ABCA8: variants seen among roughly 807,000 people sequenced by gnomAD.
ABCA8 encodes ATP binding cassette subfamily A member 8, also known as ABC-type organic anion transporter ABCA8.
Under a neutral mutation model 192.3 loss-of-function variants are expected in ABCA8, and 177 were observed. That is an observed-to-expected ratio of 0.92 (90% CI 0.81 to 1.04). The LOEUF (loss-of-function observed/expected upper bound fraction) is 1.04, where lower values mean the gene tolerates loss of function less well. Ranked by LOEUF, ABCA8 falls within the 50% of genes least tolerant of loss-of-function variation. The pLI is 0.00. For synonymous variants in ABCA8, 642 were observed against 690.2 expected (o/e 0.93, Z 1.09); for missense variants, 1,915 against 1,904.8 (o/e 1.01, Z -0.10).
chr17:68,943,560 G>A (rs1402978578), intron 2 of ABCA8, among the ~76,000 whole-genome samples: 8 of 152,148 alleles, frequency 5.3e-5, no homozygotes, highest in Non-Finnish European at 1.5e-5. Flanking sequence ...AACAAAGTCA[G>A]ATAATCTATA....
At chr17:68,898,996 T>C (rs985199285) in intron 21 of ABCA8, among the ~76,000 whole-genome samples, 10 of 152,130 alleles carry the variant, frequency 6.6e-5, no homozygotes, top group African/African-American at 2.4e-4. Context: ...TAGACTTTGT[T>C]ACATTAATCT....
At position 68,907,890 on chromosome 17, in the gene ABCA8, GA is replaced by G. The variant is rs4148022; in HGVS notation, c.2139-12del. ...TCATTTAACTGCAAGCTGGCATTCAGAAAAAAAAAAAAAGACATATGTTACT... is the reference window on the plus strand; with the variant it reads ...TCATTTAACTGCAAGCTGGCATTCAGAAAAAAAAAAAAGACATATGTTACT... On this transcript the variant is annotated splice_polypyrimidine_tract_variant and intron_variant, in intron 17 of 39. Transcript: ENST00000586539. 255,622 of 1,208,632 alleles carry G rather than the reference GA, an allele frequency of 0.21. 8,472 individuals carry two copies. Among genetic ancestry groups the G allele is most frequent in the African/African-American group, 0.49 (31,684 of 64,510 alleles). The allele number at this position is 1,208,632 out of a possible 1,614,324, so 74.9% of individuals were successfully genotyped here.
At chr17:68,885,554 C>T (rs1041539721) in intron 26 of ABCA8, among the ~76,000 whole-genome samples, 1 of 146,444 alleles carries the variant, frequency 6.8e-6, no homozygotes, top group Non-Finnish European at 1.5e-5. Flanking sequence ...TTTTTTCTCT[C>T]TTTTTTTTTT....
At chr17:68,941,443 A>AT (rs1444966760) in intron 3 of ABCA8, among the ~76,000 whole-genome samples, 1 of 152,158 alleles carries the variant, frequency 6.6e-6, no homozygotes, top group Non-Finnish European at 1.5e-5. Context: ...TTTAATCAAG[A>AT]TTTTTTATAT....
chr17:68,924,647 C>T, intron 11 of ABCA8, 54 bp downstream of exon 11: 1 of 1,568,810 alleles, frequency 6.4e-7, no homozygotes, highest in Non-Finnish European at 8.6e-7. Context: ...GCCTCAGGTG[C>T]TATCTCTTAG....
chr17:68,915,449 T>G (rs1449437773), intron 17 of ABCA8, among the ~76,000 whole-genome samples: 1 of 152,054 alleles, frequency 6.6e-6, no homozygotes, highest in African/African-American at 2.4e-5. Flanking sequence ...AATAATCCAA[T>G]TCAAAATGGG....
At chr17:68,939,617 C>T (rs1042536139) in intron 4 of ABCA8, among the ~76,000 whole-genome samples, 1 of 151,974 alleles carries the variant, frequency 6.6e-6, no homozygotes, top group African/African-American at 2.4e-5. Flanking sequence ...TCTGGGAGAA[C>T]CAACCTGTGA....
Position 68,877,536 on chromosome 17 carries a change from A to ATT in ABCA8, c.4181_4182insAA (p.Glu1395MetfsTer8). ...CTGTGTACCGTGTGATGGCAACCTC[A>ATT]GCATCCCCTTTCCTCAGCCCTTTCA... On this transcript the variant is annotated frameshift_variant, in exon 33 of 40. Transcript: ENST00000586539. LOFTEE classifies it high-confidence loss of function. 1 of 1,613,716 alleles carries ATT rather than the reference A, an allele frequency of 6.2e-7. No homozygotes were observed. The highest frequency in any genetic ancestry group is 8.5e-7 in the Non-Finnish European group (1 of 1,179,790).
At chr17:68,880,981 C>T (rs554623895) in intron 32 of ABCA8, 139 bp downstream of exon 32, 9 of 678,712 alleles carry the variant, frequency 1.3e-5, no homozygotes, top group African/African-American at 3.6e-5. Flanking sequence ...TGTGATAATT[C>T]GTGAATTTAT....
At chr17:68,932,232 G>A in intron 7 of ABCA8, 56 bp downstream of exon 7, 1 of 1,355,344 alleles carries the variant, frequency 7.4e-7, no homozygotes, top group Non-Finnish European at 1.0e-6. Context: ...ATGCATTGAA[G>A]ATTCCCAGTT....
chr17:68,906,152 C>A lies in ABCA8; in HGVS notation c.2290G>T (p.Asp764Tyr). Residue 764 changes from aspartate (D) to tyrosine (Y), a missense_variant, in exon 19 of 40, where the codon GAT (aspartate) becomes TAT (tyrosine). Transcript: ENST00000586539. The stretch of plus-strand genomic sequence containing the variant: ...CCTAGGTCAGGATAGCTATCAAGAT[C>A]CTTGTAAAGTTCTAAAGAATACATA... ...RTNKFPELYK[D>Y]LDSYPDLGIE... 1 of 1,576,968 alleles carries A rather than the reference C, an allele frequency of 6.3e-7. No individual in the cohort carries two copies. The highest frequency in any genetic ancestry group is 8.6e-7 in the Non-Finnish European group (1 of 1,164,666).
chr17:68,916,352 C>G (rs1167344984), intron 17 of ABCA8, among the ~76,000 whole-genome samples: 1 of 151,736 alleles, frequency 6.6e-6, no homozygotes, highest in Non-Finnish European at 1.5e-5. Context: ...CTATAGTCAA[C>G]ATATATTAAA....
Position 68,876,458 on chromosome 17 carries a change from A to G in ABCA8, c.4370+2T>C, listed in dbSNP as rs1201566231. On this transcript the variant is annotated splice_donor_variant, in intron 35 of 39. Coordinates refer to ENST00000586539, the MANE Select transcript of ABCA8 (RefSeq NM_001288985.2). LOFTEE classifies it high-confidence loss of function. ...GTCCCTGACCGTGGTAATGTTCCTC[A>G]CCACATTTGCTGCTGCCCCTCGGGG... 1 of 1,613,934 alleles carries G rather than the reference A, an allele frequency of 6.2e-7. No individual in the cohort carries two copies. The highest frequency in any genetic ancestry group is 1.7e-5 in the Admixed American group (1 of 60,008).
Position 68,894,990 on chromosome 17 carries a change from G to C in ABCA8, c.2788C>G (p.Gln930Glu), listed in dbSNP as rs140095797. ...GCTATGTTCTGGTGCTCCACAGACT[G>C]TATAAAGTCATCAATGCTTGCCCCT... The part of the protein sequence containing the change: ...KTGASIDDFI[Q>E]SVEHQNIALE... The change falls in exon 22 of 40, where the codon CAG becomes GAG. Residue 930 changes from glutamine to glutamate, a missense_variant. By Grantham distance (29) the Gln-to-Glu change is conservative (BLOSUM62 2). Transcript: ENST00000586539. 498 of 1,610,538 alleles carry C rather than the reference G, an allele frequency of 3.1e-4. No homozygotes were observed. Among genetic ancestry groups the C allele is most frequent in the Middle Eastern group, 2.0e-3 (12 of 6,028 alleles).
intron 7 of ABCA8, among the ~76,000 whole-genome samples, chr17:68,929,928 A>C (rs927882323): frequency 6.8e-6 from 1 of 148,090 alleles, no homozygotes; most frequent in African/African-American, 2.5e-5. Context: ...TTTTTCCTAA[A>C]ATTGATTTCA....
chr17:68,939,118 A>C (rs533636592), intron 4 of ABCA8, among the ~76,000 whole-genome samples: 11 of 152,134 alleles, frequency 7.2e-5, no homozygotes, highest in Non-Finnish European at 1.6e-4. Flanking sequence ...TACCATTACC[A>C]TGAGCATCTC....
Position 68,912,966 on chromosome 17 carries a change from A to G in ABCA8, c.2138+4395T>C, listed in dbSNP as rs532531481. On this transcript the variant is annotated intron_variant, in intron 17 of 39. Transcript: ENST00000586539. ...GAATACACAGTCGTCTCCTCAGCACATGGATCATTCTCAAGGATACACGAT... is the reference window on the plus strand; with the variant it reads ...GAATACACAGTCGTCTCCTCAGCACGTGGATCATTCTCAAGGATACACGAT... Among the ~76,000 whole-genome samples, 6 of 152,334 alleles carry G rather than the reference A, an allele frequency of 3.9e-5. No individual in the cohort carries two copies. In the East Asian group the frequency reaches 9.6e-4, roughly 24 times the overall value.
chr17:68,923,232 C>T (rs1455028385), intron 11 of ABCA8, among the ~76,000 whole-genome samples: 2 of 149,528 alleles, frequency 1.3e-5, no homozygotes, highest in Non-Finnish European at 3.0e-5. Flanking sequence ...GAGAGTCTTG[C>T]TCTATCACCC....
intron 21 of ABCA8, among the ~76,000 whole-genome samples, chr17:68,895,520 A>G (rs1242074667): frequency 3.3e-5 from 5 of 152,240 alleles, no homozygotes; most frequent in Admixed American, 2.0e-4. Context: ...ATAAGAGCAT[A>G]CAGAAAATGA....
Sources: allele counts gnomAD v4.1 joint callset (sites outside exome capture counted in the v4.1 genomes callset), GRCh38; gene constraint gnomAD v4.1.1; transcripts MANE v1.5; gene names NCBI Gene and HGNC (gene_info 2026-07-23, HGNC 2026-07-21).